The following CLPB variants were observed in gnomAD, a reference collection of about 807,000 sequenced individuals.
CLPB encodes ClpB family mitochondrial disaggregase.
Under a neutral mutation model 78.4 loss-of-function variants are expected in CLPB, and 40 were observed. The observed-to-expected ratio is 0.51, with a 90% CI of 0.40 to 0.66. CLPB has a LOEUF of 0.66. Ranked by LOEUF, CLPB falls within the 30% of genes least tolerant of loss-of-function variation. CLPB has a pLI of 0.00. For missense variants in CLPB, 780 were observed against 886.9 expected, an observed-to-expected ratio of 0.88 and a Z score of 1.53; for synonymous variants, 333 against 348.0, an observed-to-expected ratio of 0.96 and a Z score of 0.48.
At chr11:72,302,138 G>C in intron 10 of CLPB, 166 bp downstream of exon 10, 1 of 967,866 alleles carries the variant, frequency 1.0e-6, no homozygotes, top group Non-Finnish European at 1.6e-6. Flanking sequence ...TTATTCTTCA[G>C]AGCAAATCCT....
intron 3 of CLPB, among the ~76,000 whole-genome samples, chr11:72,386,027 T>C (rs2135029956): frequency 6.6e-6 from 1 of 152,192 alleles, no homozygotes; most frequent in East Asian, 1.9e-4. Flanking sequence ...ATTTTAAGAG[T>C]TTTATAAATA....
chr11:72,334,970 T>A (rs567674103), intron 5 of CLPB, among the ~76,000 whole-genome samples: 1 of 152,362 alleles, frequency 6.6e-6, no homozygotes, highest in South Asian at 2.1e-4. Flanking sequence ...AGGTCACTCA[T>A]TGGGGAAATA....
chr11:72,375,280 G>T (rs1041043477), intron 4 of CLPB, among the ~76,000 whole-genome samples: 1 of 152,246 alleles, frequency 6.6e-6, no homozygotes. Context: ...GTGTGAATTC[G>T]ACATTGCCCT....
Position 72,434,253 on chromosome 11 carries a change from C to T in CLPB, c.222G>A (p.Gln74=), listed in dbSNP as rs967725840. ...SGRGAATGGR[Q]GGRFDTKCLA... is the part of the protein sequence containing the mutation. ...GGCATTTGGTATCGAAGCGTCCTCC[C>T]TGGCGCCCCCCGGTGGCTGCCCCAC... The change falls in exon 1 of 16, where the codon CAG becomes CAA. Residue 74 remains glutamine, a synonymous_variant. Transcript: ENST00000538039. The T allele has an allele frequency of 3.7e-6, 6 of 1,613,378 alleles. No individual in the cohort carries two copies. Among genetic ancestry groups the T allele is most frequent in the Non-Finnish European group, 5.1e-6 (6 of 1,179,906 alleles).
chr11:72,373,072 A>G (rs1401926354), intron 4 of CLPB: 1 of 1,454,368 alleles, frequency 6.9e-7, no homozygotes, highest in East Asian at 2.3e-5. Flanking sequence ...CAGGCCCTGG[A>G]GCTCTGGGAA....
intron 3 of CLPB, among the ~76,000 whole-genome samples, chr11:72,388,739 G>A (rs928566515): frequency 6.6e-6 from 1 of 152,150 alleles, no homozygotes; most frequent in Admixed American, 6.5e-5. Context: ...AAACGGGTCA[G>A]GCCCTTCTTG....
At chr11:72,407,994 C>G (rs1855758460) in intron 2 of CLPB, 1 of 795,098 alleles carries the variant, frequency 1.3e-6, no homozygotes, top group Non-Finnish European at 2.0e-6. Flanking sequence ...CATCATCTGG[C>G]TAAGCTTTGT....
intron 2 of CLPB, among the ~76,000 whole-genome samples, chr11:72,413,064 G>A (rs961438448): frequency 6.6e-6 from 1 of 152,100 alleles, no homozygotes; most frequent in South Asian, 2.1e-4. Flanking sequence ...CAAGGCAGGC[G>A]AGTCACCTGA....
At chr11:72,408,109 T>C (rs1279889858) in intron 2 of CLPB, 3 of 1,534,598 alleles carry the variant, frequency 2.0e-6, no homozygotes, top group Non-Finnish European at 2.6e-6. Flanking sequence ...TGAGGGGCCA[T>C]TCAGAGGAGG....
chr11:72,331,579 T>G (rs1199755846), intron 5 of CLPB, among the ~76,000 whole-genome samples: 1 of 132,080 alleles, frequency 7.6e-6, no homozygotes, highest in Non-Finnish European at 1.6e-5. Flanking sequence ...TGTTTTTTTT[T>G]TTTTTTTTTT....
chr11:72,370,992 C>T (rs1381877812), intron 4 of CLPB, among the ~76,000 whole-genome samples: 3 of 152,166 alleles, frequency 2.0e-5, no homozygotes, highest in Non-Finnish European at 4.4e-5. Context: ...GAATCTTCTG[C>T]TGTGTGCCTG....
rs767062135 is a variant in CLPB at position 72,293,377 on chromosome 11, T to C, written c.2024A>G (p.Asn675Ser). ...GCAGGCAGGTGGCTGCTAGATGGTGTTGCACACCTTCTCAGGGTGCAGTGG... is the reference window on the plus strand; with the variant it reads ...GCAGGCAGGTGGCTGCTAGATGGTGCTGCACACCTTCTCAGGGTGCAGTGG... ...RAPLHPEKVC[N>S]TI The change falls in exon 16 of 16, where the codon AAC becomes AGC. Residue 675 changes from asparagine to serine, a missense_variant. Coordinates refer to ENST00000538039, the MANE Select transcript of CLPB (RefSeq NM_001258392.3). 185 of 1,613,798 alleles carry C rather than the reference T, an allele frequency of 1.1e-4. 1 individual carries two copies. The South Asian group carries it at 1.9e-3, about 17-fold the overall frequency.
chr11:72,373,244 T>C (rs945712539), intron 4 of CLPB, among the ~76,000 whole-genome samples: 1 of 152,232 alleles, frequency 6.6e-6, no homozygotes, highest in African/African-American at 2.4e-5. Flanking sequence ...CCGTGTTTTA[T>C]TGTTTTAATT....
chr11:72,375,933 G>T (rs117708341), intron 4 of CLPB, among the ~76,000 whole-genome samples: 6,704 of 152,276 alleles, frequency 0.044, 194 homozygotes, highest in Middle Eastern at 0.065. Context: ...ATCATTGGAG[G>T]TTAGAGAGGT....
At chr11:72,367,387 A>T (rs927602499) in intron 4 of CLPB, among the ~76,000 whole-genome samples, 3 of 152,066 alleles carry the variant, frequency 2.0e-5, no homozygotes, top group African/African-American at 7.2e-5. Flanking sequence ...TGGTCTTGAA[A>T]TCCTGACCTC....
intron 3 of CLPB, among the ~76,000 whole-genome samples, chr11:72,393,897 AT>A (rs1029127141): frequency 2.6e-5 from 4 of 152,126 alleles, no homozygotes; most frequent in African/African-American, 9.6e-5. Context: ...AATGTCCCCT[AT>A]TTTTTCACCC....
At chr11:72,368,580 A>G (rs1950985988) in intron 4 of CLPB, among the ~76,000 whole-genome samples, 1 of 152,122 alleles carries the variant, frequency 6.6e-6, no homozygotes, top group African/African-American at 2.4e-5. Flanking sequence ...CCTTTCCTCT[A>G]TGCCTTCTGT....
intron 5 of CLPB, among the ~76,000 whole-genome samples, chr11:72,334,769 T>C (rs73530718): frequency 0.19 from 28,805 of 152,182 alleles, 4,542 homozygotes; most frequent in African/African-American, 0.44. Context: ...TAATCGCAGG[T>C]CATCCGTCAC....
intron 3 of CLPB, among the ~76,000 whole-genome samples, chr11:72,386,918 G>C (rs1316954375): frequency 6.6e-6 from 1 of 152,144 alleles, no homozygotes; most frequent in Non-Finnish European, 1.5e-5. Context: ...GCATTAGTCA[G>C]TCTTCCTATT....
Sources: gnomAD v4.1 joint callset for allele counts (sites outside exome capture counted in the v4.1 genomes callset) on GRCh38, gnomAD v4.1.1 for gene constraint, MANE v1.5 for transcripts, NCBI Gene and HGNC (gene_info 2026-07-23, HGNC 2026-07-21) for gene names.